Variants in SHC4 observed in about 807,000 individuals in gnomAD.
SHC4 encodes SHC-transforming protein 4.
Under a neutral mutation model 69.4 loss-of-function variants are expected in SHC4, and 41 were observed. That is an observed-to-expected ratio of 0.59 (90% CI 0.46 to 0.77). The LOEUF is 0.77. SHC4 is among the 30% of genes least tolerant of loss of function. SHC4 has a pLI of 0.00. For synonymous variants in SHC4, 318 were observed against 299.3 expected, an observed-to-expected ratio of 1.06 and a Z score of -0.64; for missense variants, 777 against 783.8, an observed-to-expected ratio of 0.99 and a Z score of 0.10.
chr15:48,860,166 TAAAGA>T (rs1198421846), intron 6 of SHC4, among the ~76,000 whole-genome samples: 5 of 151,908 alleles, frequency 3.3e-5, no homozygotes, highest in Non-Finnish European at 5.9e-5. Flanking sequence ...ACTTTTTTTT[TAAAGA>T]AAAGGTAATC....
chr15:48,863,351 T>C (rs539447121), intron 6 of SHC4, among the ~76,000 whole-genome samples: 9 of 152,300 alleles, frequency 5.9e-5, no homozygotes, highest in South Asian at 2.1e-4. Context: ...ACAATCTTCA[T>C]AATGTTTTTT....
chr15:48,878,575 G>C (rs1567059769), intron 4 of SHC4: 4 of 1,614,078 alleles, frequency 2.5e-6, no homozygotes, highest in Non-Finnish European at 3.4e-6. Flanking sequence ...AAGCCGACAA[G>C]ATGTTTCTGA....
intron 1 of SHC4, among the ~76,000 whole-genome samples, chr15:48,953,424 A>C (rs866110530): frequency 5.6e-4 from 86 of 152,280 alleles, no homozygotes; most frequent in African/African-American, 2.0e-3. Context: ...GTTAAAAAAA[A>C]ACAAACACTG....
intron 4 of SHC4, 92 bp downstream of exon 4, chr15:48,884,156 A>G (rs1899992540): frequency 5.1e-6 from 7 of 1,378,268 alleles, no homozygotes; most frequent in Admixed American, 3.1e-5. Context: ...GGTTGTAGGC[A>G]TACTCTGTCT....
chr15:48,913,939 C>T (rs1333673795), intron 2 of SHC4, among the ~76,000 whole-genome samples: 1 of 152,212 alleles, frequency 6.6e-6, no homozygotes, highest in Non-Finnish European at 1.5e-5. Context: ...CTGGGGCACT[C>T]ACAGTTTTGG....
chr15:48,875,270 T>C (rs1322827621), intron 4 of SHC4, among the ~76,000 whole-genome samples: 1 of 152,218 alleles, frequency 6.6e-6, no homozygotes, highest in Non-Finnish European at 1.5e-5. Context: ...TACTAAGCCT[T>C]TGGAGTTTTT....
intron 2 of SHC4, among the ~76,000 whole-genome samples, chr15:48,919,295 ATTTTTTT>A (rs386382928): frequency 2.8e-5 from 2 of 71,216 alleles, no homozygotes; most frequent in Non-Finnish European, 5.3e-5. Flanking sequence ...ATTTATTTTA[ATTTTTTT>A]TTTTTTTTTT....
rs574495927 is a variant in SHC4 at position 48,906,505 on chromosome 15, C to T, written c.657-15694G>A. On this transcript the variant is annotated intron_variant, in intron 2 of 11. Transcript: ENST00000332408. ...ACTCCCCCATCTCATCCCCTTTTCC[C>T]TACCCACTCCCCTTCTCAATACAGG... Among the ~76,000 whole-genome samples, 14 of 152,178 alleles carry T rather than the reference C, an allele frequency of 9.2e-5. No individual in the cohort carries two copies. In the South Asian group the frequency reaches 2.7e-3, roughly 29 times the overall value.
chr15:48,921,467 T>C (rs1330815577), intron 2 of SHC4, among the ~76,000 whole-genome samples: 1 of 151,960 alleles, frequency 6.6e-6, no homozygotes, highest in African/African-American at 2.4e-5. Context: ...CCCAAGTAGC[T>C]GGGATTACAG....
chr15:48,824,332 T>C lies in SHC4; in HGVS notation c.*1639A>G, dbSNP rs1165696004. 1.3e-5 allele frequency: 2 copies of C among 151,492 alleles called. No homozygotes were observed. Among genetic ancestry groups the C allele is most frequent in the African/African-American group, 2.4e-5 (1 of 41,206 alleles). The allele number at this position is 151,492 out of a possible 1,614,324, so 9.4% of individuals were successfully genotyped here. A position where few individuals can be genotyped will look rare whatever the true frequency, so the allele number is the denominator to read the frequency against. ...GAAGTTTTATTTAAAACTTAGCAAA[T>C]ATATCACAATCACAAAGACTAAGTT... is the stretch of plus-strand genomic sequence containing the variant. On this transcript the variant is annotated 3_prime_UTR_variant, in exon 12 of 12. Transcript: ENST00000332408.
intron 3 of SHC4, among the ~76,000 whole-genome samples, chr15:48,888,143 G>A (rs532526471): frequency 6.6e-6 from 1 of 152,082 alleles, no homozygotes; most frequent in Non-Finnish European, 1.5e-5. Flanking sequence ...TGAAAGGAAG[G>A]TCTCTAAAAG....
In SHC4 at chr15:48,850,509, C is replaced by G. The variant is rs1448137451; in HGVS notation, c.1303+679G>C. 1.6e-4 allele frequency among the ~76,000 whole-genome samples: 24 copies of G among 152,288 alleles called. No individual in the cohort carries two copies. In the East Asian group the frequency reaches 4.6e-3, roughly 29 times the overall value. On this transcript the variant is annotated intron_variant, in intron 9 of 11. Transcript: ENST00000332408. ...TGTATTCTCCACTGCATTATTTATA[C>G]AGTTCAGTCATCTCCCCCTCTAAAA...
Position 48,894,155 on chromosome 15 carries a change from G to A in SHC4, c.657-3344C>T, listed in dbSNP as rs182719204. On this transcript the variant is annotated intron_variant, in intron 2 of 11. Coordinates refer to ENST00000332408, the MANE Select transcript of SHC4 (RefSeq NM_203349.4). ...TATGAAGAAGTCTATATAAATTAGTGTGAAAAAGTAGAACTTGCAACAGTA... is the reference window on the plus strand; with the variant it reads ...TATGAAGAAGTCTATATAAATTAGTATGAAAAAGTAGAACTTGCAACAGTA... 2.3e-3 allele frequency among the ~76,000 whole-genome samples: 355 copies of A among 152,282 alleles called. 2 individuals carry two copies. The highest frequency in any genetic ancestry group is 8.3e-3 in the African/African-American group (347 of 41,564).
At chr15:48,863,472 T>C (rs540806772) in intron 6 of SHC4, among the ~76,000 whole-genome samples, 74 of 43,718 alleles carry the variant, frequency 1.7e-3, no homozygotes, top group Admixed American at 3.6e-3. Context: ...TTGCTACTTA[T>C]GAATACTAAA....
At chr15:48,875,484 A>T (rs1017900965) in intron 4 of SHC4, among the ~76,000 whole-genome samples, 3 of 152,356 alleles carry the variant, frequency 2.0e-5, no homozygotes, top group Non-Finnish European at 2.9e-5. Context: ...GCAGTTCAAA[A>T]GGTGGCATGT....
chr15:48,933,183 C>G (rs1901002525), intron 1 of SHC4, among the ~76,000 whole-genome samples: 1 of 152,108 alleles, frequency 6.6e-6, no homozygotes, highest in Non-Finnish European at 1.5e-5. Context: ...ATTCCAGTCC[C>G]TCGTTACCAT....
rs1450543211 is a variant in SHC4 at position 48,851,180 on chromosome 15, G to A, written c.1303+8C>T. 1.9e-6 allele frequency: 3 copies of A among 1,613,326 alleles called. No individual in the cohort carries two copies. The highest frequency in any genetic ancestry group is 2.7e-5 in the African/African-American group (2 of 74,910). On this transcript the variant is annotated splice_region_variant and intron_variant, in intron 9 of 11. Coordinates refer to ENST00000332408, the MANE Select transcript of SHC4 (RefSeq NM_203349.4). ...AGGGTGGCAGATGGAGAAGGGCATTGTACCTACCTATTGCCCTGCTTTGTT... is the reference window on the plus strand; with the variant it reads ...AGGGTGGCAGATGGAGAAGGGCATTATACCTACCTATTGCCCTGCTTTGTT...
At chr15:48,902,082 G>A (rs534215949) in intron 2 of SHC4, among the ~76,000 whole-genome samples, 18 of 151,920 alleles carry the variant, frequency 1.2e-4, no homozygotes, top group Non-Finnish European at 1.8e-4. Context: ...TGCACCTGTA[G>A]TCCCAGCTAC....
At chr15:48,848,862 TGGG>T (rs1300843014) in intron 9 of SHC4, among the ~76,000 whole-genome samples, 1 of 152,138 alleles carries the variant, frequency 6.6e-6, no homozygotes, top group African/African-American at 2.4e-5. Context: ...TGAGAACTCT[TGGG>T]GGAAAAAGAA....
Sources: allele counts gnomAD v4.1 joint callset (sites outside exome capture counted in the v4.1 genomes callset), GRCh38; gene constraint gnomAD v4.1.1; transcripts MANE v1.5; gene names NCBI Gene and HGNC (gene_info 2026-07-23, HGNC 2026-07-21).